Variants in RBM24 observed in about 807,000 individuals in gnomAD.
The protein encoded by RBM24 is RNA binding motif protein 24, also known as RNA-binding protein 24.
RBM24 carries 5 observed loss-of-function variants against 23.6 expected under a neutral mutation model. That is an observed-to-expected ratio of 0.21 (90% confidence interval 0.11 to 0.45). RBM24 has a LOEUF of 0.45. RBM24 is among the 20% of genes least tolerant of loss of function. RBM24 has a pLI of 0.99. For missense variants in RBM24, 252 were observed against 314.6 expected, an observed-to-expected ratio of 0.80 and a Z score of 1.51; for synonymous variants, 151 against 129.5, an observed-to-expected ratio of 1.17 and a Z score of -1.13.
intron 3 of RBM24, chr6:17,288,992 G>A (rs1760276634): frequency 2.0e-6 from 2 of 985,326 alleles, no homozygotes; most frequent in African/African-American, 1.7e-5. Flanking sequence ...AAACCAGTTA[G>A]GATGTTGCTT....
intron 2 of RBM24, 149 bp from the exon 3 acceptor site, chr6:17,284,508 C>T: frequency 4.0e-6 from 2 of 502,508 alleles, no homozygotes; most frequent in Non-Finnish European, 3.5e-6. Flanking sequence ...ATAAAACTGA[C>T]TTTAAAAAAT....
At position 17,293,203 on chromosome 6, in the gene RBM24, TTAA is replaced by T. The variant is rs1760422501; in HGVS notation, c.*1087_*1089del. 6.5e-6 allele frequency: 1 copy of T among 152,676 alleles called. No individual in the cohort carries two copies. Among genetic ancestry groups the T allele is most frequent in the South Asian group, 2.1e-4 (1 of 4,832 alleles). 9.5% of individuals were successfully genotyped at this position (152,676 alleles called of 1,614,324 possible). A position where few individuals can be genotyped will look rare whatever the true frequency, so the allele number is the denominator to read the frequency against. On this transcript the variant is annotated 3_prime_UTR_variant, in exon 4 of 4. Coordinates refer to ENST00000379052, the MANE Select transcript of RBM24 (RefSeq NM_001143942.2). ...ATGATAATGTGGTTTATACTGTGCC[TTAA>T]TAGTAATGCTATTTAAGATATTTAT...
intron 3 of RBM24, 81 bp from the exon 4 acceptor site, chr6:17,291,675 T>G (rs1760362361): frequency 6.9e-7 from 1 of 1,450,118 alleles, no homozygotes; most frequent in South Asian, 1.3e-5. Flanking sequence ...AACCACTAAA[T>G]TTGAGTTTGT....
intron 2 of RBM24, 36 bp downstream of exon 2, chr6:17,282,964 A>G (rs1274740082): frequency 6.8e-7 from 1 of 1,468,886 alleles, no homozygotes; most frequent in South Asian, 1.1e-5. Context: ...CCCCTCTCCA[A>G]GAACCCCCCA....
chr6:17,282,861 C>G lies in RBM24; in HGVS notation c.225C>G (p.Ile75Met). ...AERACKDPNP[I>M]IDGRKANVNL... ...GGGCCTGCAAGGATCCCAATCCCAT[C>G]ATTGATGGCAGAAAGGCCAACGTGA... Residue 75 changes from isoleucine to methionine, a missense_variant, in exon 2 of 4, where the codon ATC becomes ATG. Coordinates refer to ENST00000379052, the MANE Select transcript of RBM24 (RefSeq NM_001143942.2). 1 of 1,614,134 alleles carries G rather than the reference C, an allele frequency of 6.2e-7. No individual in the cohort carries two copies. Among genetic ancestry groups the G allele is most frequent in the Non-Finnish European group, 8.5e-7 (1 of 1,180,036 alleles).
At chr6:17,284,172 C>T (rs1273673012) in intron 2 of RBM24, among the ~76,000 whole-genome samples, 1 of 152,070 alleles carries the variant, frequency 6.6e-6, no homozygotes, top group Non-Finnish European at 1.5e-5. Context: ...TTGTCTAATA[C>T]ATTGTGGGTA....
intron 3 of RBM24, chr6:17,288,443 A>G: frequency 1.0e-6 from 1 of 983,950 alleles, no homozygotes; most frequent in Non-Finnish European, 1.2e-6. Context: ...GGCATTGTAG[A>G]CTCTCTCCAC....
At chr6:17,289,915 C>T (rs996755947) in intron 3 of RBM24, 15 of 1,273,846 alleles carry the variant, frequency 1.2e-5, no homozygotes, top group South Asian at 1.3e-5. Context: ...CCTGTTGTTG[C>T]GAGTGAGCCA....
intron 3 of RBM24, among the ~76,000 whole-genome samples, chr6:17,286,908 A>G (rs1265470639): frequency 1.3e-5 from 2 of 152,250 alleles, no homozygotes; most frequent in Non-Finnish European, 2.9e-5. Flanking sequence ...TTAAGAAAGA[A>G]GGTAACACAA....
chr6:17,281,752 A>G lies in RBM24; in HGVS notation c.168+3A>G, dbSNP rs1329103798. 6.5e-7 allele frequency: 1 copy of G among 1,548,616 alleles called. No homozygotes were observed. The highest frequency in any genetic ancestry group is 2.5e-5 in the East Asian group (1 of 40,626). On this transcript the variant is annotated splice_donor_region_variant and intron_variant, in intron 1 of 3. Coordinates refer to ENST00000379052, the MANE Select transcript of RBM24 (RefSeq NM_001143942.2). This position sits in a 1 kb window ranked among gnomAD's most constrained non-coding sequence, Gnocchi z 7.1. ...GCAAGTCCCGGGGCTATGGATTTGT[A>G]AGTTGCACGGACTGGGGGTGACGGG...
At chr6:17,288,541 A>T (rs2113406774) in intron 3 of RBM24, 1 of 985,476 alleles carries the variant, frequency 1.0e-6, no homozygotes, top group South Asian at 4.7e-5. Flanking sequence ...ATGTTAAGAC[A>T]ACAAAGCATA....
Position 17,281,922 on chromosome 6 carries a change from C to G in RBM24, c.168+173C>G. Reference sequence around the variant, plus strand: ...ACTTTGCTAGGGGAGAGGGTCGGCGCCAGCCTCGCGGGGTTCGGAGAAGAC... The same window carrying G: ...ACTTTGCTAGGGGAGAGGGTCGGCGGCAGCCTCGCGGGGTTCGGAGAAGAC... On this transcript the variant is annotated intron_variant, in intron 1 of 3. Transcript: ENST00000379052. This position sits in a 1 kb window ranked among gnomAD's most constrained non-coding sequence, Gnocchi z 7.1. The G allele has an allele frequency of 7.5e-7, 1 of 1,336,254 alleles. No individual in the cohort carries two copies. 82.8% of individuals were successfully genotyped at this position (1,336,254 alleles called of 1,614,324 possible). A position where few individuals can be genotyped will look rare whatever the true frequency, so the allele number is the denominator to read the frequency against.
In RBM24 at chr6:17,281,889, G is replaced by A; in HGVS notation, c.168+140G>A. On this transcript the variant is annotated intron_variant, in intron 1 of 3. Transcript: ENST00000379052. The surrounding 1 kb of genome is among the most constrained non-coding windows in gnomAD (Gnocchi z 7.1). ...CGGCGCTGCCCCTTCGCTCCGGGGTGAACTGAAACTTTGCTAGGGGAGAGG... is the reference window on the plus strand; with the variant it reads ...CGGCGCTGCCCCTTCGCTCCGGGGTAAACTGAAACTTTGCTAGGGGAGAGG... 3 of 1,360,610 alleles carry A rather than the reference G, an allele frequency of 2.2e-6. No homozygotes were observed. Among genetic ancestry groups the A allele is most frequent in the Non-Finnish European group, 3.0e-6 (3 of 1,001,502 alleles). The allele number at this position is 1,360,610 out of a possible 1,614,324, so 84.3% of individuals were successfully genotyped here. A position where few individuals can be genotyped will look rare whatever the true frequency, so the allele number is the denominator to read the frequency against.
chr6:17,287,101 G>A (rs1477912951), intron 3 of RBM24, among the ~76,000 whole-genome samples: 1 of 152,162 alleles, frequency 6.6e-6, no homozygotes, highest in Admixed American at 6.5e-5. Flanking sequence ...AGCATTCCAG[G>A]TGGACCAAGT....
rs991346235 is a variant in RBM24, at chr6:17,289,564, T to C, written c.348-2192T>C. The C allele has an allele frequency of 4.1e-6, 4 of 985,292 alleles. No individual in the cohort carries two copies. The African/African-American group carries it at 7.0e-5, about 17-fold the overall frequency. 61.0% of individuals were successfully genotyped at this position (985,292 alleles called of 1,614,324 possible). ...TGCATTCTTCACAACACTTTCTCCT[T>C]TTTGTAGGATAAACATTTTCACTTA... is the stretch of plus-strand genomic sequence containing the variant. On this transcript the variant is annotated intron_variant, in intron 3 of 3. Coordinates refer to ENST00000379052, the MANE Select transcript of RBM24 (RefSeq NM_001143942.2).
At chr6:17,282,956 C>A in intron 2 of RBM24, 28 bp downstream of exon 2, 1 of 1,540,006 alleles carries the variant, frequency 6.5e-7, no homozygotes, top group Non-Finnish European at 9.0e-7. Context: ...CCCCTACCCC[C>A]CTCTCCAAGA....
At chr6:17,283,479 G>A (rs1381122514) in intron 2 of RBM24, among the ~76,000 whole-genome samples, 20 of 152,172 alleles carry the variant, frequency 1.3e-4, no homozygotes, top group African/African-American at 4.8e-4. Context: ...GTGCAATGAC[G>A]CGATCTAGGC....
intron 3 of RBM24, among the ~76,000 whole-genome samples, chr6:17,285,407 G>A (rs1488580352): frequency 6.6e-6 from 1 of 151,500 alleles, no homozygotes; most frequent in Non-Finnish European, 1.5e-5. Context: ...CTTTGCCATG[G>A]GAAGCAAAGG....
rs371064289 is a variant in RBM24 at position 17,282,840 on chromosome 6, C to T, written c.204C>T (p.Ala68=). Residue 68 remains alanine, a synonymous_variant, in exon 2 of 4, where the codon GCC becomes GCT. Transcript: ENST00000379052. ...CTGACCGGGCTGCTGCCGAAAGGGCCTGCAAGGATCCCAATCCCATCATTG... is the reference window on the plus strand; with the variant it reads ...CTGACCGGGCTGCTGCCGAAAGGGCTTGCAAGGATCCCAATCCCATCATTG... ...TMADRAAAER[A]CKDPNPIIDG... 1.9e-5 allele frequency: 31 copies of T among 1,613,968 alleles called. No homozygotes were observed. The highest frequency in any genetic ancestry group is 2.6e-5 in the Non-Finnish European group (31 of 1,180,030).
Sources: gnomAD v4.1 joint callset for allele counts (sites outside exome capture counted in the v4.1 genomes callset) on GRCh38, gnomAD v4.1.1 for gene constraint, Gnocchi (gnomAD v3.1) non-coding constraint, MANE v1.5 for transcripts, NCBI Gene and HGNC (gene_info 2026-07-23, HGNC 2026-07-21) for gene names.